Variants in RNLS observed in about 807,000 individuals in gnomAD.
RNLS encodes renalase.
In RNLS, 39 loss-of-function variants were observed where a neutral mutation model predicts 39.8. That is an observed-to-expected ratio of 0.98 (90% CI 0.76 to 1.28). The LOEUF is 1.28. Among genes scored for constraint, RNLS ranks in the 50% most tolerant of loss-of-function variants. RNLS has a pLI of 0.00. For synonymous variants in RNLS, 147 were observed against 150.7 expected (o/e 0.98, Z 0.18); for missense variants, 410 against 413.3 (o/e 0.99, Z 0.07).
the RNLS span, among the ~76,000 whole-genome samples, chr10:88,240,019 A>G: frequency 2.0e-5 from 3 of 152,364 alleles, no homozygotes; most frequent in Middle Eastern, 6.8e-3. Context: ...AAAATGTAAT[A>G]ACTATTTATA....
chr10:88,263,948 GT>G, the RNLS span, among the ~76,000 whole-genome samples: 2 of 152,232 alleles, frequency 1.3e-5, no homozygotes, highest in East Asian at 3.9e-4. Flanking sequence ...TACCCAATGT[GT>G]AGCCTTTTAT....
chr10:88,356,951 T>G (rs1849240601), intron 5 of RNLS, among the ~76,000 whole-genome samples: 1 of 152,206 alleles, frequency 6.6e-6, no homozygotes, highest in Non-Finnish European at 1.5e-5. Flanking sequence ...AATGCTAAAT[T>G]TCTGATCATT....
chr10:88,447,025 A>G (rs1260868570), intron 4 of RNLS, among the ~76,000 whole-genome samples: 1 of 152,214 alleles, frequency 6.6e-6, no homozygotes, highest in African/African-American at 2.4e-5. Context: ...AAACAATAAG[A>G]GCTATTTATG....
the RNLS span, among the ~76,000 whole-genome samples, chr10:88,243,800 C>T: frequency 1.3e-5 from 2 of 152,222 alleles, no homozygotes; most frequent in South Asian, 4.1e-4. Context: ...TCTCTGCCTC[C>T]ACCTGAACTA....
At chr10:88,184,986 A>G in the RNLS span, among the ~76,000 whole-genome samples, 4 of 152,134 alleles carry the variant, frequency 2.6e-5, no homozygotes, top group African/African-American at 9.7e-5. Context: ...TTCAGTCTTA[A>G]GGCAATTGAG....
At chr10:88,524,867 CGCTTCA>C (rs1215905450) in intron 4 of RNLS, among the ~76,000 whole-genome samples, 4 of 149,188 alleles carry the variant, frequency 2.7e-5, no homozygotes, top group African/African-American at 9.9e-5. Context: ...AATAAAATCA[CGCTTCA>C]GCTTATTTTC....
chr10:88,480,928 A>C (rs1229209181), intron 4 of RNLS, among the ~76,000 whole-genome samples: 2 of 152,086 alleles, frequency 1.3e-5, no homozygotes, highest in Non-Finnish European at 2.9e-5. Flanking sequence ...GACTGAAATT[A>C]ATCAATTCAG....
intron 5 of RNLS, among the ~76,000 whole-genome samples, chr10:88,330,958 T>C (rs944209184): frequency 2.0e-4 from 30 of 152,298 alleles, no homozygotes; most frequent in African/African-American, 7.0e-4. Context: ...TCCTAAACCA[T>C]ATTAAGTATT....
intron 4 of RNLS, among the ~76,000 whole-genome samples, chr10:88,406,236 G>A (rs1853258155): frequency 6.6e-6 from 1 of 152,052 alleles, no homozygotes; most frequent in Non-Finnish European, 1.5e-5. Context: ...TTTCCTGGAT[G>A]TTCTTTGTGC....
intron 4 of RNLS, among the ~76,000 whole-genome samples, chr10:88,507,969 GTTAA>G (rs1293147930): frequency 6.6e-6 from 1 of 152,144 alleles, no homozygotes; most frequent in Non-Finnish European, 1.5e-5. Context: ...AGTGAGAGGA[GTTAA>G]TTAGTTAATA....
chr10:88,224,552 G>A, the RNLS span, among the ~76,000 whole-genome samples: 1 of 152,166 alleles, frequency 6.6e-6, no homozygotes, highest in African/African-American at 2.4e-5. Context: ...TCTGTCTGTT[G>A]GATAAATTGT....
intron 4 of RNLS, among the ~76,000 whole-genome samples, chr10:88,508,010 T>A (rs191903183): frequency 1.6e-4 from 24 of 152,298 alleles, no homozygotes; most frequent in African/African-American, 5.5e-4. Context: ...GCAAAATGAA[T>A]CACCATTCTT....
At chr10:88,319,263 T>C (rs1462894108) in intron 5 of RNLS, among the ~76,000 whole-genome samples, 1 of 151,870 alleles carries the variant, frequency 6.6e-6, no homozygotes, top group Admixed American at 6.6e-5. Flanking sequence ...TAAAAAAGAA[T>C]TACAAAATGT....
chr10:88,580,470 T>C lies in RNLS; in HGVS notation c.367+1097A>G, dbSNP rs577255447. On this transcript the variant is annotated intron_variant, in intron 3 of 6. Transcript: ENST00000331772. ...AACAGTAATTATGCTGGAAATGGCTTATAAAAAAATTCTTAGCCTATATCC... is the reference window on the plus strand; with the variant it reads ...AACAGTAATTATGCTGGAAATGGCTCATAAAAAAATTCTTAGCCTATATCC... Among the ~76,000 whole-genome samples the C allele has an allele frequency of 7.9e-5, 12 of 152,330 alleles. No homozygotes were observed. In the South Asian group the frequency reaches 2.3e-3, roughly 29 times the overall value.
At chr10:88,208,701 G>A in the RNLS span, among the ~76,000 whole-genome samples, 4 of 152,036 alleles carry the variant, frequency 2.6e-5, no homozygotes, top group African/African-American at 9.7e-5. Context: ...TATAAATGCT[G>A]CTTATCTACA....
chr10:88,193,181 C>T, the RNLS span, among the ~76,000 whole-genome samples: 5 of 152,090 alleles, frequency 3.3e-5, no homozygotes. Context: ...CTCTAGAGAG[C>T]CGAGTCTGCA....
the RNLS span, among the ~76,000 whole-genome samples, chr10:88,246,870 A>G: frequency 6.6e-6 from 1 of 152,334 alleles, no homozygotes; most frequent in African/African-American, 2.4e-5. Context: ...AGGTTAGCAT[A>G]CAGAATGGAG....
intron 4 of RNLS, among the ~76,000 whole-genome samples, chr10:88,431,434 C>T (rs369240945): frequency 3.8e-4 from 57 of 151,554 alleles, no homozygotes; most frequent in African/African-American, 1.1e-3. Context: ...ATTTTGGTTT[C>T]ACTTGTTTTT....
intron 4 of RNLS, among the ~76,000 whole-genome samples, chr10:88,548,616 G>C (rs1435992229): frequency 2.0e-5 from 3 of 147,486 alleles, no homozygotes; most frequent in Non-Finnish European, 3.0e-5. Flanking sequence ...TCCAGCCTGG[G>C]TGACGAAGCG....
Sources: allele counts gnomAD v4.1 joint callset (sites outside exome capture counted in the v4.1 genomes callset), GRCh38; gene constraint gnomAD v4.1.1; transcripts MANE v1.5; gene names NCBI Gene and HGNC (gene_info 2026-07-23, HGNC 2026-07-21).